The following SH3BP4 variants were observed in gnomAD, a reference collection of about 807,000 sequenced individuals.
SH3BP4 encodes the protein SH3 domain binding protein 4.
SH3BP4 carries 33 observed loss-of-function variants against 65.5 expected under a neutral mutation model. The observed-to-expected ratio is 0.50, with a 90% CI of 0.38 to 0.67. The LOEUF (loss-of-function observed/expected upper bound fraction) is 0.67, where lower values mean the gene tolerates loss of function less well. Ranked by LOEUF, SH3BP4 falls within the 30% of genes least tolerant of loss-of-function variation. SH3BP4 has a pLI of 0.00. For synonymous variants in SH3BP4, 552 were observed against 545.5 expected (o/e 1.01, Z -0.17); for missense variants, 1,134 against 1,261.4 (o/e 0.90, Z 1.53).
intron 3 of SH3BP4, among the ~76,000 whole-genome samples, chr2:235,039,481 T>TAA (rs61191874): frequency 7.0e-6 from 1 of 142,282 alleles, no homozygotes; most frequent in Non-Finnish European, 1.5e-5. Flanking sequence ...TTTGGCAACT[T>TAA]AAAAAAAAAA....
At chr2:235,017,045 C>CAT (rs1553564304) in intron 2 of SH3BP4, among the ~76,000 whole-genome samples, 1 of 88,440 alleles carries the variant, frequency 1.1e-5, no homozygotes, top group East Asian at 3.5e-4. Context: ...GTTTGCCTTT[C>CAT]TTTTTTTTTT....
Position 234,974,984 on chromosome 2 carries a change from C to T in SH3BP4, c.-206-20319C>T, listed in dbSNP as rs187240899. On this transcript the variant is annotated intron_variant, in intron 1 of 5. Coordinates refer to ENST00000392011, the MANE Select transcript of SH3BP4 (RefSeq NM_014521.3). This position sits in a 1 kb window ranked among gnomAD's most constrained non-coding sequence, Gnocchi z 4.6. Reference sequence around the variant, plus strand: ...GCATGCCCAGCACACGTCTCAGTCCCGTCCCTCGGAGCAGGCCAAGCTCGG... The same window carrying T: ...GCATGCCCAGCACACGTCTCAGTCCTGTCCCTCGGAGCAGGCCAAGCTCGG... 1.7e-3 allele frequency among the ~76,000 whole-genome samples: 254 copies of T among 152,318 alleles called. No individual in the cohort carries two copies. The highest frequency in any genetic ancestry group is 5.6e-3 in the African/African-American group (231 of 41,576).
intron 3 of SH3BP4, among the ~76,000 whole-genome samples, chr2:235,038,289 A>AATATATATTATATATT (rs1559254188): frequency 4.8e-4 from 11 of 22,910 alleles, no homozygotes; most frequent in Non-Finnish European, 7.9e-4. Flanking sequence ...TATTATATAT[A>AATATATATTATATATT]ATATATATAT....
In SH3BP4 at chr2:235,039,927, T is replaced by C. The variant is rs1695581042; in HGVS notation, c.119-961T>C. 2.6e-5 allele frequency among the ~76,000 whole-genome samples: 4 copies of C among 152,320 alleles called. No homozygotes were observed. The South Asian group carries it at 8.3e-4, about 32-fold the overall frequency. On this transcript the variant is annotated intron_variant, in intron 3 of 5. Transcript: ENST00000392011. ...AGACAGTCTGTTTTCATGTTGTGAT[T>C]TTGAATGATAATTTAAAAGAGGTTG...
rs376339852 is a variant in SH3BP4, at chr2:234,978,186, C to T, written c.-206-17117C>T. On this transcript the variant is annotated intron_variant, in intron 1 of 5. Coordinates refer to ENST00000392011, the MANE Select transcript of SH3BP4 (RefSeq NM_014521.3). This position sits in a 1 kb window ranked among gnomAD's most constrained non-coding sequence, Gnocchi z 4.1. Reference sequence around the variant, plus strand: ...GGCCAGGCTGGAATCGAACTCCCGACCTCAGGTGATCCGCCTGCCTCAGCC... The same window carrying T: ...GGCCAGGCTGGAATCGAACTCCCGATCTCAGGTGATCCGCCTGCCTCAGCC... Among the ~76,000 whole-genome samples, 8 of 152,206 alleles carry T rather than the reference C, an allele frequency of 5.3e-5. No homozygotes were observed. The highest frequency in any genetic ancestry group is 1.9e-4 in the African/African-American group (8 of 41,530).
chr2:235,023,469 C>A (rs907390952), intron 2 of SH3BP4, among the ~76,000 whole-genome samples: 19 of 152,106 alleles, frequency 1.2e-4, no homozygotes, highest in Non-Finnish European at 2.9e-5. Flanking sequence ...ATTGCCTGAA[C>A]CCGGGTGGTG....
chr2:235,051,970 C>T (rs1251843944), intron 4 of SH3BP4, among the ~76,000 whole-genome samples: 2 of 152,184 alleles, frequency 1.3e-5, no homozygotes, highest in Admixed American at 1.3e-4. Context: ...CAAATGACCA[C>T]AAACCAAGGG....
intron 2 of SH3BP4, among the ~76,000 whole-genome samples, chr2:235,007,574 G>A (rs1367273068): frequency 6.6e-6 from 1 of 152,186 alleles, no homozygotes; most frequent in African/African-American, 2.4e-5. Context: ...GTGATAAGGT[G>A]GAGAAATGGT....
chr2:235,022,893 C>T (rs1192040632), intron 2 of SH3BP4, among the ~76,000 whole-genome samples: 1 of 152,188 alleles, frequency 6.6e-6, no homozygotes, highest in African/African-American at 2.4e-5. Flanking sequence ...GGTGCTCCCT[C>T]TGCAGAGTTG....
In SH3BP4 at chr2:235,046,889, G is replaced by A. The variant is rs1178720884; in HGVS notation, c.2478+3642G>A. Among the ~76,000 whole-genome samples the A allele has an allele frequency of 6.6e-6, 1 of 152,068 alleles. No homozygotes were observed. Among genetic ancestry groups the A allele is most frequent in the Non-Finnish European group, 1.5e-5 (1 of 68,026 alleles). ...ATTCTTTTTGTGCCTGTTTTTGATA[G>A]AGTCCGTGTGTGAGGCATCCCCGTA... On this transcript the variant is annotated intron_variant, in intron 4 of 5. Transcript: ENST00000392011. The surrounding 1 kb of genome is among the most constrained non-coding windows in gnomAD (Gnocchi z 4.2).
chr2:235,019,044 G>A (rs80109092), intron 2 of SH3BP4, among the ~76,000 whole-genome samples: 1 of 152,226 alleles, frequency 6.6e-6, no homozygotes, highest in African/African-American at 2.4e-5. Context: ...TAGTGCAAGG[G>A]TCCTGGGGCA....
chr2:234,990,784 A>T (rs1439890220), intron 1 of SH3BP4, among the ~76,000 whole-genome samples: 1 of 152,246 alleles, frequency 6.6e-6, no homozygotes, highest in Non-Finnish European at 1.5e-5. Flanking sequence ...CTTACAGGTC[A>T]GGAGGCTGGA....
rs79084134 is a variant in SH3BP4 at position 234,985,589 on chromosome 2, C to T, written c.-206-9714C>T. 4.2e-3 allele frequency among the ~76,000 whole-genome samples: 646 copies of T among 152,158 alleles called. 8 individuals are homozygous for T. The highest frequency in any genetic ancestry group is 0.015 in the African/African-American group (602 of 41,512). ...TCTGTGTGCAGGCATTTTGACTCTCCGCGCACAGGTATTTTTGACCCTCTG... is the reference window on the plus strand; with the variant it reads ...TCTGTGTGCAGGCATTTTGACTCTCTGCGCACAGGTATTTTTGACCCTCTG... On this transcript the variant is annotated intron_variant, in intron 1 of 5. Transcript: ENST00000392011.
intron 1 of SH3BP4, among the ~76,000 whole-genome samples, chr2:234,964,427 G>T (rs1456904132): frequency 6.6e-6 from 1 of 152,160 alleles, no homozygotes; most frequent in Non-Finnish European, 1.5e-5. Flanking sequence ...GGAGATAAAT[G>T]GGGAGCCCAC....
At chr2:235,012,087 G>A (rs940797036) in intron 2 of SH3BP4, among the ~76,000 whole-genome samples, 4 of 152,254 alleles carry the variant, frequency 2.6e-5, no homozygotes, top group Non-Finnish European at 5.9e-5. Context: ...GCAGGGAGCA[G>A]CTTATTGGTT....
Position 235,027,344 on chromosome 2 carries a change from C to G in SH3BP4, c.-132-7527C>G, listed in dbSNP as rs1695033987. On this transcript the variant is annotated intron_variant, in intron 2 of 5. Transcript: ENST00000392011. ...CTGTGAAAGCCAGGAGTCCCTCCCACCCACCCCAGGCCCCGAAGGCTTCTC... is the reference window on the plus strand; with the variant it reads ...CTGTGAAAGCCAGGAGTCCCTCCCAGCCACCCCAGGCCCCGAAGGCTTCTC... Among the ~76,000 whole-genome samples the G allele has an allele frequency of 2.6e-5, 4 of 151,630 alleles. No individual in the cohort carries two copies. In the South Asian group the frequency reaches 8.3e-4, roughly 31 times the overall value.
chr2:234,977,632 A>G lies in SH3BP4; in HGVS notation c.-206-17671A>G, dbSNP rs1373481693. On this transcript the variant is annotated intron_variant, in intron 1 of 5. Transcript: ENST00000392011. The surrounding 1 kb of genome is among the most constrained non-coding windows in gnomAD (Gnocchi z 5.1). ...CCATTAGCGACTTAGGGGTGAGTGG[A>G]TGGAAAACAGGATGAGAGTGTCTCT... Among the ~76,000 whole-genome samples the G allele has an allele frequency of 1.3e-5, 2 of 152,074 alleles. No homozygotes were observed. Among genetic ancestry groups the G allele is most frequent in the African/African-American group, 2.4e-5 (1 of 41,408 alleles).
chr2:235,001,252 C>T (rs1574808621), intron 2 of SH3BP4, among the ~76,000 whole-genome samples: 1 of 152,280 alleles, frequency 6.6e-6, no homozygotes, highest in South Asian at 2.1e-4. Flanking sequence ...CTGTGAAACC[C>T]CTGAAACTGC....
At chr2:235,044,090 C>T (rs370829425) in intron 4 of SH3BP4, among the ~76,000 whole-genome samples, 2 of 152,232 alleles carry the variant, frequency 1.3e-5, no homozygotes, top group Admixed American at 6.5e-5. Context: ...TCCCACGAAC[C>T]GCTGCCCCAA....
Sources: allele counts gnomAD v4.1 joint callset (sites outside exome capture counted in the v4.1 genomes callset), GRCh38; gene constraint gnomAD v4.1.1; non-coding constraint Gnocchi (gnomAD v3.1); transcripts MANE v1.5; gene names NCBI Gene and HGNC (gene_info 2026-07-23, HGNC 2026-07-21).